The following PNO1 variants were observed in gnomAD, a reference collection of about 807,000 sequenced individuals.
PNO1 encodes RNA-binding protein PNO1.
A neutral mutation model predicts 28.4 loss-of-function variants in PNO1; 16 were observed. The observed-to-expected ratio is 0.56, with a 90% CI of 0.38 to 0.85. The LOEUF is 0.85. Among genes scored for constraint, PNO1 ranks in the 40% least tolerant of loss-of-function variants. The pLI is 0.00. For missense variants in PNO1, 304 were observed against 312.2 expected (o/e 0.97, Z 0.20); for synonymous variants, 115 against 110.8 (o/e 1.04, Z -0.24).
In PNO1 at chr2:68,174,723, T is replaced by C. The variant is rs183077218; in HGVS notation, c.692-12T>C. 3.1e-6 allele frequency: 5 copies of C among 1,589,542 alleles called. No individual in the cohort carries two copies. In the African/African-American group the frequency reaches 5.4e-5, roughly 17 times the overall value. On this transcript the variant is annotated splice_polypyrimidine_tract_variant and intron_variant, in intron 6 of 6. Coordinates refer to ENST00000263657, the MANE Select transcript of PNO1 (RefSeq NM_020143.4). ...GTTTATTTGTGTATATACTTTTTTT[T>C]CCCCTTTGCAGGAAATCCTCCTTCC...
In PNO1 at chr2:68,157,964, C is replaced by T. The variant is rs369577550; in HGVS notation, c.30C>T (p.Ala10=). The T allele has an allele frequency of 2.5e-6, 4 of 1,613,914 alleles. No individual in the cohort carries two copies. The highest frequency in any genetic ancestry group is 2.7e-5 in the African/African-American group (2 of 74,922). Residue 10 remains alanine, a synonymous_variant, in exon 1 of 7, where the codon GCC becomes GCT. Coordinates refer to ENST00000263657, the MANE Select transcript of PNO1 (RefSeq NM_020143.4). The part of the protein sequence containing the change: MESEMETQS[A]RAEEGFTQVT... ...AATCCGAAATGGAAACGCAGAGCGC[C>T]AGGGCAGAGGAGGGCTTTACCCAGG...
intron 2 of PNO1, among the ~76,000 whole-genome samples, chr2:68,159,222 AT>A (rs1203585322): frequency 2.0e-5 from 3 of 151,910 alleles, no homozygotes; most frequent in East Asian, 1.9e-4. Context: ...TGATTAAAAA[AT>A]GTATTATTTT....
Position 68,174,783 on chromosome 2 carries a change from G to A in PNO1, c.740G>A (p.Arg247Lys). ...VYGNIRAVASRSADRF is the reference protein window; with the variant it reads ...VYGNIRAVASKSADRF ...GGCAATATTCGAGCTGTGGCTAGCA[G>A]ATCAGCAGATCGATTCTGATTTCAA... is the stretch of plus-strand genomic sequence containing the variant. The change falls in exon 7 of 7, where the codon AGA becomes AAA. Residue 247 changes from arginine (R) to lysine (K), a missense_variant. Transcript: ENST00000263657. The A allele has an allele frequency of 6.2e-7, 1 of 1,607,296 alleles. No homozygotes were observed.
intron 3 of PNO1, 110 bp from the exon 4 acceptor site, chr2:68,162,155 G>A: frequency 1.4e-6 from 1 of 712,806 alleles, no homozygotes; most frequent in South Asian, 2.0e-5. Flanking sequence ...AAAAAAAAAA[G>A]CTTTCTAGCT....
chr2:68,165,079 C>A lies in PNO1; in HGVS notation c.620+2416C>A, dbSNP rs1282881735. Among the ~76,000 whole-genome samples, 3 of 151,920 alleles carry A rather than the reference C, an allele frequency of 2.0e-5. No homozygotes were observed. In the East Asian group the frequency reaches 5.8e-4, roughly 29 times the overall value. ...TGAAAGCTTTCATGAATTTAGAAAT[C>A]CATGGCCCGGCACGGTGGCTCACAC... is the stretch of plus-strand genomic sequence containing the variant. On this transcript the variant is annotated intron_variant, in intron 5 of 6. Transcript: ENST00000263657.
chr2:68,165,140 G>A (rs768960332), intron 5 of PNO1, among the ~76,000 whole-genome samples: 7 of 151,948 alleles, frequency 4.6e-5, no homozygotes, highest in South Asian at 2.1e-4. Context: ...CGAGGCGGGC[G>A]GATCACGAGG....
intron 5 of PNO1, among the ~76,000 whole-genome samples, chr2:68,162,929 C>T (rs1040212384): frequency 6.6e-6 from 1 of 152,092 alleles, no homozygotes; most frequent in African/African-American, 2.4e-5. Context: ...CAAAGTCATC[C>T]GACACAAATT....
At chr2:68,161,443 C>T (rs777348326) in intron 2 of PNO1, 31 of 495,822 alleles carry the variant, frequency 6.3e-5, no homozygotes, top group African/African-American at 1.8e-4. Flanking sequence ...TCATATAGTG[C>T]GGTTAGTTAT....
At position 68,158,240 on chromosome 2, in the gene PNO1, T is replaced by A. The variant is rs1673724170; in HGVS notation, c.207+99T>A. 11 of 1,389,184 alleles carry A rather than the reference T, an allele frequency of 7.9e-6. No individual in the cohort carries two copies. In the South Asian group the frequency reaches 1.5e-4, roughly 19 times the overall value. The allele number at this position is 1,389,184 out of a possible 1,614,324, so 86.1% of individuals were successfully genotyped here. ...TGTTGAAGCTGCGGTGGGGCTGTTC[T>A]GCCGTGATGCTCAGAGAGAAGTGAT... On this transcript the variant is annotated intron_variant, in intron 1 of 6. Transcript: ENST00000263657.
intron 5 of PNO1, among the ~76,000 whole-genome samples, chr2:68,170,381 T>C (rs1674095643): frequency 1.3e-5 from 2 of 152,322 alleles, no homozygotes; most frequent in East Asian, 3.9e-4. Flanking sequence ...GTTCTTGTTG[T>C]CTTTATTTCC....
chr2:68,174,598 T>C (rs984336201), intron 6 of PNO1, 137 bp from the exon 7 acceptor site: 1 of 559,798 alleles, frequency 1.8e-6, no homozygotes, highest in Non-Finnish European at 3.3e-6. Flanking sequence ...ATATTTTTTA[T>C]GTAAGAGACT....
intron 5 of PNO1, among the ~76,000 whole-genome samples, chr2:68,163,553 A>ACG (rs1673895146): frequency 9.5e-6 from 1 of 105,084 alleles, no homozygotes; most frequent in African/African-American, 3.3e-5. Context: ...ACATACATAC[A>ACG]TACATACATA....
At chr2:68,173,522 C>T (rs776201343) in intron 6 of PNO1, 105 bp downstream of exon 6, 6 of 677,488 alleles carry the variant, frequency 8.9e-6, no homozygotes, top group African/African-American at 3.7e-5. Flanking sequence ...TATTAAAGAT[C>T]GCAAGTAGAA....
chr2:68,173,576 ATTTTT>A (rs34874863), intron 6 of PNO1, among the ~76,000 whole-genome samples, 159 bp downstream of exon 6: 1 of 111,402 alleles, frequency 9.0e-6, no homozygotes, highest in Non-Finnish European at 1.7e-5. Flanking sequence ...AGGAAGTAGA[ATTTTT>A]TTTTTTTTTT....
At chr2:68,169,363 A>C (rs76996709) in intron 5 of PNO1, among the ~76,000 whole-genome samples, 9,776 of 152,270 alleles carry the variant, frequency 0.064, 372 homozygotes, top group Middle Eastern at 0.19. Context: ...TTGCACTAAG[A>C]TTAAAAATAG....
chr2:68,159,192 G>T (rs1673762226), intron 2 of PNO1, among the ~76,000 whole-genome samples: 1 of 152,020 alleles, frequency 6.6e-6, no homozygotes, highest in Non-Finnish European at 1.5e-5. Context: ...GTGCATGACT[G>T]TGTTTTAATG....
In PNO1 at chr2:68,158,098, C is replaced by G. The variant is rs747755373; in HGVS notation, c.164C>G (p.Ala55Gly). Residue 55 changes from alanine to glycine, a missense_variant, in exon 1 of 7, where the codon GCG becomes GGG. Transcript: ENST00000263657. ...ATGGACACAGAGGAGGCCAGGCCGG[C>G]GAAGAGGCCCGTCTTCCCACCCCTC... is the stretch of plus-strand genomic sequence containing the variant. Reference protein sequence around the residue: ...GRMDTEEARPAKRPVFPPLCG... With the variant: ...GRMDTEEARPGKRPVFPPLCG... The G allele has an allele frequency of 6.2e-7, 1 of 1,610,716 alleles. No individual in the cohort carries two copies. The highest frequency in any genetic ancestry group is 8.5e-7 in the Non-Finnish European group (1 of 1,178,566).
intron 6 of PNO1, 80 bp downstream of exon 6, chr2:68,173,497 A>T: frequency 1.1e-6 from 1 of 870,044 alleles, no homozygotes; most frequent in Non-Finnish European, 1.9e-6. Context: ...ACATTTGCAA[A>T]GCAATTTAGG....
intron 3 of PNO1, among the ~76,000 whole-genome samples, 161 bp downstream of exon 3, chr2:68,161,927 G>C (rs1468098913): frequency 6.6e-6 from 1 of 151,704 alleles, no homozygotes; most frequent in Non-Finnish European, 1.5e-5. Flanking sequence ...TTGAGGCCAG[G>C]AGTTCAAAAT....
Sources: gnomAD v4.1 joint callset for allele counts (sites outside exome capture counted in the v4.1 genomes callset) on GRCh38, gnomAD v4.1.1 for gene constraint, MANE v1.5 for transcripts, NCBI Gene and HGNC (gene_info 2026-07-23, HGNC 2026-07-21) for gene names.